The following PAM variants were observed in gnomAD, a reference collection of about 807,000 sequenced individuals.
PAM encodes the protein peptidyl-glycine alpha-amidating monooxygenase.
In PAM, 72 loss-of-function variants were observed where a neutral mutation model predicts 122.1. The observed-to-expected ratio is 0.59, with a 90% CI of 0.49 to 0.72. The LOEUF is 0.72. Among genes scored for constraint, PAM ranks in the 30% least tolerant of loss-of-function variants. PAM has a pLI of 0.00. For missense variants in PAM, 1,106 were observed against 1,183.7 expected (o/e 0.93, Z 0.96); for synonymous variants, 389 against 404.4 (o/e 0.96, Z 0.46).
intron 14 of PAM, among the ~76,000 whole-genome samples, chr5:102,973,852 G>T (rs1766689260): frequency 6.6e-6 from 1 of 152,088 alleles, no homozygotes; most frequent in African/African-American, 2.4e-5. Flanking sequence ...TTATTGAAAT[G>T]TGCCATGCAA....
rs772291661 is a variant in PAM, at chr5:102,960,105, T to C, written c.1090+46T>C. The C allele has an allele frequency of 2.9e-6, 3 of 1,039,358 alleles. No individual in the cohort carries two copies. The Admixed American group carries it at 6.8e-5, about 24-fold the overall frequency. The allele number at this position is 1,039,358 out of a possible 1,614,324, so 64.4% of individuals were successfully genotyped here. On this transcript the variant is annotated intron_variant, in intron 13 of 25. Coordinates refer to ENST00000438793, the MANE Select transcript of PAM (RefSeq NM_001177306.2). ...TAAAGTAATATATGATTTTGTATTTTATATTTTTGTATGTATCTTGTTTGA... is the reference window on the plus strand; with the variant it reads ...TAAAGTAATATATGATTTTGTATTTCATATTTTTGTATGTATCTTGTTTGA...
intron 5 of PAM, among the ~76,000 whole-genome samples, chr5:102,918,077 G>GGGC (rs1306531492): frequency 5.3e-5 from 8 of 152,048 alleles, no homozygotes; most frequent in Non-Finnish European, 1.2e-4. Context: ...TAGTTAGAGT[G>GGGC]GGCCTAGTGC....
At chr5:102,847,871 T>C (rs1167482751) in intron 1 of PAM, among the ~76,000 whole-genome samples, 1 of 152,226 alleles carries the variant, frequency 6.6e-6, no homozygotes, top group East Asian at 1.9e-4. Flanking sequence ...TTGTGCCCTA[T>C]TTTGAGAATT....
At chr5:102,938,491 CTT>C (rs1024903907) in intron 7 of PAM, among the ~76,000 whole-genome samples, 8 of 152,148 alleles carry the variant, frequency 5.3e-5, no homozygotes, top group African/African-American at 1.9e-4. Flanking sequence ...TAAGTGATGT[CTT>C]TTTTGGGAAA....
intron 1 of PAM, among the ~76,000 whole-genome samples, chr5:102,820,860 A>C (rs1181967190): frequency 6.6e-6 from 1 of 152,188 alleles, no homozygotes; most frequent in Non-Finnish European, 1.5e-5. Context: ...TAAATTTAAA[A>C]ACATTCTGAA....
chr5:102,999,279 G>A (rs1000180215), intron 16 of PAM, among the ~76,000 whole-genome samples: 3 of 152,214 alleles, frequency 2.0e-5, no homozygotes, highest in African/African-American at 7.2e-5. Flanking sequence ...TCCTTTGACT[G>A]CATGTCTCAC....
intron 1 of PAM, among the ~76,000 whole-genome samples, chr5:102,826,914 A>G (rs893556775): frequency 6.6e-6 from 1 of 152,196 alleles, no homozygotes; most frequent in African/African-American, 2.4e-5. Context: ...TGAGTCACCT[A>G]AATTTAGCAT....
intron 1 of PAM, among the ~76,000 whole-genome samples, chr5:102,801,713 T>G (rs955611263): frequency 1.3e-5 from 2 of 151,992 alleles, no homozygotes; most frequent in Non-Finnish European, 2.9e-5. Flanking sequence ...CATGGTTAGA[T>G]TCACAAAAAT....
intron 3 of PAM, among the ~76,000 whole-genome samples, chr5:102,868,806 A>G (rs1319796377): frequency 6.6e-6 from 1 of 152,132 alleles, no homozygotes; most frequent in Non-Finnish European, 1.5e-5. Context: ...ATTATTTAAG[A>G]GTAATAACAT....
chr5:102,990,872 G>A (rs1773866766), intron 16 of PAM, among the ~76,000 whole-genome samples: 1 of 152,214 alleles, frequency 6.6e-6, no homozygotes, highest in South Asian at 2.1e-4. Flanking sequence ...GGTTGGGGCA[G>A]TTTGGCCACT....
chr5:102,759,272 C>T (rs1476062709), intron 1 of PAM, among the ~76,000 whole-genome samples: 2 of 152,058 alleles, frequency 1.3e-5, no homozygotes, highest in East Asian at 3.9e-4. Context: ...AGGAAAACTT[C>T]CTAGCAGCAT....
At chr5:102,961,986 C>T (rs540041473) in intron 14 of PAM, among the ~76,000 whole-genome samples, 1 of 152,014 alleles carries the variant, frequency 6.6e-6, no homozygotes, top group East Asian at 1.9e-4. Context: ...TGCAAACCCA[C>T]TTCTACTGAC....
At chr5:103,028,353 A>T (rs764906489) in intron 25 of PAM, 115 bp downstream of exon 25, 3 of 740,800 alleles carry the variant, frequency 4.0e-6, no homozygotes, top group Non-Finnish European at 7.1e-6. Context: ...AGCACCTTGT[A>T]TGCAGCTTAG....
chr5:102,825,241 A>G (rs1378434928), intron 1 of PAM, among the ~76,000 whole-genome samples: 1 of 152,232 alleles, frequency 6.6e-6, no homozygotes, highest in Non-Finnish European at 1.5e-5. Context: ...GAAAACTTGG[A>G]TAATGGATCT....
At chr5:102,799,363 G>A (rs1764130452) in intron 1 of PAM, among the ~76,000 whole-genome samples, 1 of 152,280 alleles carries the variant, frequency 6.6e-6, no homozygotes, top group East Asian at 1.9e-4. Flanking sequence ...TCAGGCTCAG[G>A]TGGAAAGACC....
At chr5:102,902,685 AAAT>A (rs1174160720) in intron 4 of PAM, among the ~76,000 whole-genome samples, 3 of 151,512 alleles carry the variant, frequency 2.0e-5, no homozygotes, top group African/African-American at 7.3e-5. Flanking sequence ...ACCTAAGAGA[AAAT>A]AATATTTACT....
chr5:103,023,298 T>A (rs998784357), intron 23 of PAM, among the ~76,000 whole-genome samples: 3 of 152,084 alleles, frequency 2.0e-5, no homozygotes, highest in African/African-American at 7.2e-5. Context: ...CATATAAACT[T>A]ACTAAATGAC....
At chr5:102,818,316 G>A (rs549494643) in intron 1 of PAM, among the ~76,000 whole-genome samples, 18 of 151,810 alleles carry the variant, frequency 1.2e-4, no homozygotes, top group African/African-American at 2.9e-4. Flanking sequence ...GTAAGTTAGC[G>A]TAGTAAATAA....
intron 3 of PAM, among the ~76,000 whole-genome samples, chr5:102,879,078 G>A (rs2151099310): frequency 6.6e-6 from 1 of 152,134 alleles, no homozygotes; most frequent in South Asian, 2.1e-4. Flanking sequence ...ACAGGCGCCT[G>A]CCACCACACC....
Sources: gnomAD v4.1 joint callset for allele counts (sites outside exome capture counted in the v4.1 genomes callset) on GRCh38, gnomAD v4.1.1 for gene constraint, MANE v1.5 for transcripts, NCBI Gene and HGNC (gene_info 2026-07-23, HGNC 2026-07-21) for gene names.